The following TENM2 variants were observed in gnomAD, a reference collection of about 807,000 sequenced individuals.
TENM2 encodes the protein teneurin-2.
Under a neutral mutation model 245.2 loss-of-function variants are expected in TENM2, and 52 were observed. The observed-to-expected ratio is 0.21, with a 90% CI of 0.17 to 0.27. The LOEUF is 0.27. TENM2 is among the 10% of genes least tolerant of loss of function. The pLI, the probability that TENM2 is intolerant of heterozygous loss-of-function variation, is 1.00. For missense variants in TENM2, 3,046 were observed against 3,666.8 expected, an observed-to-expected ratio of 0.83 and a Z score of 4.37; for synonymous variants, 1,363 against 1,438.9, an observed-to-expected ratio of 0.95 and a Z score of 1.19.
intron 2 of TENM2, among the ~76,000 whole-genome samples, chr5:167,729,892 T>C (rs1323690521): frequency 6.6e-6 from 1 of 152,224 alleles, no homozygotes; most frequent in Non-Finnish European, 1.5e-5. Flanking sequence ...TTGAAATAGT[T>C]GGAGACATCT....
chr5:167,713,404 C>T (rs956107358), intron 2 of TENM2, among the ~76,000 whole-genome samples: 2 of 151,586 alleles, frequency 1.3e-5, no homozygotes, highest in Non-Finnish European at 2.9e-5. Flanking sequence ...TTGGCTGGTA[C>T]TATCTTCCTG....
At chr5:167,075,001 T>C in the TENM2 span, among the ~76,000 whole-genome samples, 16 of 152,280 alleles carry the variant, frequency 1.1e-4, no homozygotes, top group East Asian at 1.9e-4. Context: ...CTTGCTGTCG[T>C]AGAAGCTTGG....
At chr5:168,177,319 G>C (rs1031671076) in intron 13 of TENM2, among the ~76,000 whole-genome samples, 1 of 152,206 alleles carries the variant, frequency 6.6e-6, no homozygotes, top group African/African-American at 2.4e-5. Flanking sequence ...TCTGCATACA[G>C]TTTATTTGAT....
At chr5:168,165,660 C>CG (rs1562237780) in intron 13 of TENM2, among the ~76,000 whole-genome samples, 1 of 99,952 alleles carries the variant, frequency 1.0e-5, no homozygotes, top group Non-Finnish European at 2.3e-5. Context: ...CCCCCCCCCC[C>CG]CCCCGGCTGG....
At chr5:167,232,492 C>T in the TENM2 span, among the ~76,000 whole-genome samples, 1 of 152,062 alleles carries the variant, frequency 6.6e-6, no homozygotes, top group African/African-American at 2.4e-5. Context: ...CCTGCCTCAG[C>T]CTCCCGTGTA....
At chr5:167,846,834 T>A (rs1770086899) in intron 2 of TENM2, among the ~76,000 whole-genome samples, 1 of 152,196 alleles carries the variant, frequency 6.6e-6, no homozygotes, top group South Asian at 2.1e-4. Context: ...GAAAGAAGGT[T>A]GTGTGAATTG....
the TENM2 span, among the ~76,000 whole-genome samples, chr5:167,138,101 G>A: frequency 9.9e-5 from 15 of 152,194 alleles, no homozygotes; most frequent in East Asian, 3.9e-4. Flanking sequence ...GGAAGCAGCC[G>A]CTGAGGCTGT....
chr5:167,735,192 T>C (rs1253186008), intron 2 of TENM2, among the ~76,000 whole-genome samples: 2 of 152,218 alleles, frequency 1.3e-5, no homozygotes, highest in Non-Finnish European at 2.9e-5. Flanking sequence ...AAAATCGTGG[T>C]CGTATTTGCT....
intron 1 of TENM2, among the ~76,000 whole-genome samples, chr5:167,323,925 G>A (rs1318776455): frequency 6.6e-6 from 1 of 152,242 alleles, no homozygotes; most frequent in East Asian, 1.9e-4. Context: ...GGGGCATAAC[G>A]ATCTGGGTCT....
chr5:167,649,320 G>T (rs1780180897), intron 2 of TENM2, among the ~76,000 whole-genome samples: 1 of 152,162 alleles, frequency 6.6e-6, no homozygotes, highest in African/African-American at 2.4e-5. Context: ...CTTAAAGGCT[G>T]CAAAATGCTT....
At chr5:167,915,193 C>A (rs1464160861) in intron 3 of TENM2, among the ~76,000 whole-genome samples, 3 of 151,970 alleles carry the variant, frequency 2.0e-5, no homozygotes, top group Admixed American at 2.0e-4. Context: ...TTTCCCCAAC[C>A]TTGAGATGCT....
At chr5:167,808,963 C>T (rs892181016) in intron 2 of TENM2, among the ~76,000 whole-genome samples, 1 of 152,152 alleles carries the variant, frequency 6.6e-6, no homozygotes, top group African/African-American at 2.4e-5. Context: ...GAGGGAAAAA[C>T]TCAGCCAATT....
chr5:167,171,747 AG>A, the TENM2 span, among the ~76,000 whole-genome samples: 2 of 152,212 alleles, frequency 1.3e-5, no homozygotes, highest in Non-Finnish European at 2.9e-5. Flanking sequence ...TCAACTGAGA[AG>A]AAATACCCTG....
At chr5:168,007,127 T>G (rs1172465162) in intron 5 of TENM2, among the ~76,000 whole-genome samples, 1 of 147,500 alleles carries the variant, frequency 6.8e-6, no homozygotes, top group South Asian at 2.2e-4. Context: ...CCTTCCTTTT[T>G]CTTTCTTTTT....
chr5:167,694,782 A>G (rs1757655925), intron 2 of TENM2, among the ~76,000 whole-genome samples: 1 of 152,194 alleles, frequency 6.6e-6, no homozygotes. Flanking sequence ...ATAGAAGCTC[A>G]CTGAAACTGG....
chr5:167,743,146 A>G (rs186452488), intron 2 of TENM2, among the ~76,000 whole-genome samples: 4 of 152,342 alleles, frequency 2.6e-5, no homozygotes, highest in Admixed American at 2.6e-4. Flanking sequence ...CTGGGACTAC[A>G]CTTACTGGAG....
intron 13 of TENM2, among the ~76,000 whole-genome samples, chr5:168,174,165 T>C (rs1260052775): frequency 2.0e-5 from 3 of 152,094 alleles, no homozygotes; most frequent in Non-Finnish European, 4.4e-5. Context: ...TCTGCTTGAG[T>C]TATTATAAAC....
intron 2 of TENM2, among the ~76,000 whole-genome samples, chr5:167,790,347 TA>T (rs1764864086): frequency 1.3e-5 from 2 of 152,152 alleles, no homozygotes; most frequent in South Asian, 2.1e-4. Context: ...ATTTTTAAGC[TA>T]AAAAAAGGAA....
At chr5:167,623,543 A>AT (rs1031829438) in intron 2 of TENM2, among the ~76,000 whole-genome samples, 1 of 152,168 alleles carries the variant, frequency 6.6e-6, no homozygotes, top group African/African-American at 2.4e-5. Flanking sequence ...CTGCACAGTG[A>AT]TTTTTTATTA....
Sources: gnomAD v4.1 joint callset for allele counts (sites outside exome capture counted in the v4.1 genomes callset) on GRCh38, gnomAD v4.1.1 for gene constraint, MANE v1.5 for transcripts, NCBI Gene and HGNC (gene_info 2026-07-23, HGNC 2026-07-21) for gene names.